ADAMTS10: variants seen among roughly 807,000 people sequenced by gnomAD.
ADAMTS10 encodes ADAM metallopeptidase with thrombospondin type 1 motif 10, also known as A disintegrin and metalloproteinase with thrombospondin motifs 10.
ADAMTS10 carries 48 observed loss-of-function variants against 135.9 expected under a neutral mutation model. That is an observed-to-expected ratio of 0.35 (90% confidence interval 0.28 to 0.45). The LOEUF is 0.45. ADAMTS10 is among the 20% of genes least tolerant of loss of function. The pLI, the probability that ADAMTS10 is intolerant of heterozygous loss-of-function variation, is 1.00. For synonymous variants in ADAMTS10, 621 were observed against 647.5 expected (o/e 0.96, Z 0.62); for missense variants, 1,131 against 1,565.2 (o/e 0.72, Z 4.68).
chr19:8,588,376 G>A (rs1216833233), intron 18 of ADAMTS10, among the ~76,000 whole-genome samples: 1 of 151,754 alleles, frequency 6.6e-6, no homozygotes, highest in Admixed American at 6.6e-5. Context: ...GTGAGCCACC[G>A]TGCCTGTCTC....
At chr19:8,587,930 CAAAA>C (rs34536913) in intron 18 of ADAMTS10, among the ~76,000 whole-genome samples, 9 of 90,758 alleles carry the variant, frequency 9.9e-5, no homozygotes, top group Admixed American at 1.3e-4. Context: ...GACCCCATCT[CAAAA>C]AAAAAAAAAA....
rs782813134 is a variant in ADAMTS10, at chr19:8,605,244, G to A, written c.203C>T (p.Thr68Met). 1.2e-5 allele frequency: 19 copies of A among 1,613,150 alleles called. No individual in the cohort carries two copies. Among genetic ancestry groups the A allele is most frequent in the Admixed American group, 6.7e-5 (4 of 59,964 alleles). ...PPPPRRQRRG[T>M]GATAESRLFY... ...GAGGCGGGACTCGGCTGTGGCCCCC[G>A]TGCCGCGGCGCTGCCTCCGGGGAGG... is the stretch of plus-strand genomic sequence containing the variant. Residue 68 changes from threonine (T) to methionine (M), a missense_variant, in exon 4 of 26, where the codon ACG becomes ATG. Physicochemically the swap from Thr to Met is moderately conservative, Grantham distance 81. Transcript: ENST00000597188. The surrounding 1 kb of genome is among the most constrained non-coding windows in gnomAD (Gnocchi z 7.7).
At position 8,597,252 on chromosome 19, in the gene ADAMTS10, G is replaced by A; in HGVS notation, c.876C>T (p.Ile292=). 6.2e-7 allele frequency: 1 copy of A among 1,614,176 alleles called. No individual in the cohort carries two copies. The highest frequency in any genetic ancestry group is 8.5e-7 in the Non-Finnish European group (1 of 1,180,036). The change falls in exon 7 of 26, where the codon ATC becomes ATT. Residue 292 remains isoleucine, a synonymous_variant. Coordinates refer to ENST00000597188, the MANE Select transcript of ADAMTS10 (RefSeq NM_030957.4). The part of the protein sequence containing the change: ...STVNILVTRL[I]LLTEDQPTLE... Reference sequence around the variant, plus strand: ...CCCGCACCTGGTCCTCCGTGAGCAGGATGAGGCGAGTTACGAGGATGTTAA... The same window carrying A: ...CCCGCACCTGGTCCTCCGTGAGCAGAATGAGGCGAGTTACGAGGATGTTAA...
chr19:8,583,283 G>C (rs1416206048), intron 25 of ADAMTS10, among the ~76,000 whole-genome samples: 3 of 151,036 alleles, frequency 2.0e-5, no homozygotes, highest in Non-Finnish European at 4.4e-5. Flanking sequence ...GCTCATGCCT[G>C]TAATCCCAGC....
Position 8,601,182 on chromosome 19 carries a change from C to T in ADAMTS10, c.593-37G>A, listed in dbSNP as rs372028274. 3.9e-5 allele frequency: 63 copies of T among 1,605,610 alleles called. No homozygotes were observed. The African/African-American group carries it at 7.3e-4, about 19-fold the overall frequency. On this transcript the variant is annotated intron_variant, in intron 5 of 25. Coordinates refer to ENST00000597188, the MANE Select transcript of ADAMTS10 (RefSeq NM_030957.4). The surrounding 1 kb of genome is among the most constrained non-coding windows in gnomAD (Gnocchi z 4.6). ...AGTAGAGCAATTAAGCCCTGCCCTG[C>T]TGGTGGGACGCAGAGCTGCCTGACA...
At chr19:8,609,121 C>T (rs192916491) in intron 1 of ADAMTS10, among the ~76,000 whole-genome samples, 59 of 150,154 alleles carry the variant, frequency 3.9e-4, no homozygotes, top group Admixed American at 8.7e-4. Context: ...TGCACTGTGG[C>T]GTGTGTGTGT....
chr19:8,596,359 C>G lies in ADAMTS10; in HGVS notation c.1138G>C (p.Glu380Gln). The part of the protein sequence containing the change: ...CERERSCSVN[E>Q]DIGLATAFTI... ...AACGCTGTGGCCAGGCCAATGTCCT[C>G]ATTGACGCTGCAGCTTCTCTCGCGC... Residue 380 changes from glutamate to glutamine, a missense_variant, in exon 10 of 26, where the codon GAG (glutamate) becomes CAG (glutamine). Physicochemically the swap from Glu to Gln is conservative, Grantham distance 29. Around this residue, in one of 3 missense-constraint regions of ADAMTS10, gnomAD observed 745 missense variants for 1,056.3 expected, o/e 0.71. Coordinates refer to ENST00000597188, the MANE Select transcript of ADAMTS10 (RefSeq NM_030957.4). This position sits in a 1 kb window ranked among gnomAD's most constrained non-coding sequence, Gnocchi z 7.2. The G allele has an allele frequency of 6.2e-7, 1 of 1,613,144 alleles. No individual in the cohort carries two copies. Among genetic ancestry groups the G allele is most frequent in the Non-Finnish European group, 8.5e-7 (1 of 1,179,902 alleles).
chr19:8,597,573 T>A (rs2042620138), intron 6 of ADAMTS10, among the ~76,000 whole-genome samples: 1 of 151,586 alleles, frequency 6.6e-6, no homozygotes, highest in African/African-American at 2.4e-5. Context: ...GGATTACAGG[T>A]GTGAGCCACC....
At chr19:8,590,085 G>T in intron 15 of ADAMTS10, 94 bp from the exon 16 acceptor site, 3 of 913,388 alleles carry the variant, frequency 3.3e-6, no homozygotes, top group Non-Finnish European at 5.3e-6. Flanking sequence ...GGAGGAGGGA[G>T]GCTAGAGGCA....
intron 4 of ADAMTS10, 29 bp downstream of exon 4, chr19:8,604,982 TC>T (rs782446685): frequency 3.2e-6 from 5 of 1,562,030 alleles, no homozygotes; most frequent in Admixed American, 1.9e-5. Context: ...TATGGGCATT[TC>T]CCCCCGCGTT....
intron 6 of ADAMTS10, among the ~76,000 whole-genome samples, chr19:8,598,565 A>ATTTTTTT (rs34389376): frequency 5.7e-5 from 4 of 70,760 alleles, no homozygotes; most frequent in Admixed American, 1.8e-4. Context: ...AATCCCCAGA[A>ATTTTTTT]TTTTTTTTTT....
Position 8,600,720 on chromosome 19 carries a change from C to A in ADAMTS10, c.810+208G>T, listed in dbSNP as rs7246634. Among the ~76,000 whole-genome samples, 8,735 of 151,798 alleles carry A rather than the reference C, an allele frequency of 0.058. 504 individuals carry two copies. Among genetic ancestry groups the A allele is most frequent in the African/African-American group, 0.15 (6,241 of 41,382 alleles). ...TCACCGTGTTAGCCAGGATGGTCTCCATCTCCTGACCTTGTGATCTGCCCG... is the reference window on the plus strand; with the variant it reads ...TCACCGTGTTAGCCAGGATGGTCTCAATCTCCTGACCTTGTGATCTGCCCG... On this transcript the variant is annotated intron_variant, in intron 6 of 25. Coordinates refer to ENST00000597188, the MANE Select transcript of ADAMTS10 (RefSeq NM_030957.4).
In ADAMTS10 at chr19:8,581,132, T is replaced by C. The variant is rs1237245983; in HGVS notation, c.3203-130A>G. On this transcript the variant is annotated intron_variant, in intron 25 of 25. Transcript: ENST00000597188. Reference sequence around the variant, plus strand: ...TGGTTTCTTTCTTTTTAAATTTACTTTTTTTTTTTTTTTTTTTTTTTTTTT... The same window carrying C: ...TGGTTTCTTTCTTTTTAAATTTACTCTTTTTTTTTTTTTTTTTTTTTTTTT... 3.9e-3 allele frequency: 173 copies of C among 44,728 alleles called. 1 individual carries two copies. The highest frequency in any genetic ancestry group is 0.016 in the South Asian group (15 of 954). 2.8% of individuals were successfully genotyped at this position (44,728 alleles called of 1,614,324 possible).
chr19:8,600,412 C>T (rs781985775), intron 6 of ADAMTS10, among the ~76,000 whole-genome samples: 2 of 151,656 alleles, frequency 1.3e-5, no homozygotes, highest in Admixed American at 6.6e-5. Context: ...TTGCCATATG[C>T]AACCAACCTA....
Position 8,605,867 on chromosome 19 carries a change from G to T in ADAMTS10, c.-99-58C>A. 1 of 1,416,906 alleles carries T rather than the reference G, an allele frequency of 7.1e-7. No individual in the cohort carries two copies. The highest frequency in any genetic ancestry group is 9.3e-7 in the Non-Finnish European group (1 of 1,078,424). The allele number at this position is 1,416,906 out of a possible 1,614,324, so 87.8% of individuals were successfully genotyped here. A position where few individuals can be genotyped will look rare whatever the true frequency, so the allele number is the denominator to read the frequency against. On this transcript the variant is annotated intron_variant, in intron 2 of 25. Coordinates refer to ENST00000597188, the MANE Select transcript of ADAMTS10 (RefSeq NM_030957.4). This position sits in a 1 kb window ranked among gnomAD's most constrained non-coding sequence, Gnocchi z 7.7. ...GGTCCCGCTGTCCAGCACAACCAATGCCAAGGCCAATCATGGCCAAAGCTT... is the reference window on the plus strand; with the variant it reads ...GGTCCCGCTGTCCAGCACAACCAATTCCAAGGCCAATCATGGCCAAAGCTT...
chr19:8,590,463 A>AT (rs1361174204), intron 15 of ADAMTS10, among the ~76,000 whole-genome samples: 2 of 149,256 alleles, frequency 1.3e-5, no homozygotes, highest in African/African-American at 5.0e-5. Flanking sequence ...TTATTTATTT[A>AT]TTTATTTATT....
chr19:8,581,116 TC>T, intron 25 of ADAMTS10, 114 bp from the exon 26 acceptor site: 1 of 529,932 alleles, frequency 1.9e-6, no homozygotes, highest in South Asian at 2.7e-5. Context: ...TTGGTTTCTT[TC>T]TTTTTAAATT....
rs539876726 is a variant in ADAMTS10 at position 8,589,924 on chromosome 19, C to T, written c.1865G>A (p.Arg622His). ...QCSEFDSIPF[R>H]GKFYKWKTYR... ...CGTTTTCCACTTGTAGAATTTCCCA[C>T]GGAAAGGGATGCTGTCAAATTCAGA... Residue 622 changes from arginine (R) to histidine (H), a missense_variant, in exon 16 of 26, where the codon CGT becomes CAT. By Grantham distance (29) the Arg-to-His change is conservative. Around this residue, in one of 3 missense-constraint regions of ADAMTS10, gnomAD observed 745 missense variants for 1,056.3 expected, o/e 0.71. Transcript: ENST00000597188. The T allele has an allele frequency of 3.7e-6, 6 of 1,614,106 alleles. No individual in the cohort carries two copies. The highest frequency in any genetic ancestry group is 1.1e-5 in the South Asian group (1 of 91,086).
chr19:8,587,163 CTTT>C (rs1194992099), intron 18 of ADAMTS10, among the ~76,000 whole-genome samples: 3 of 143,526 alleles, frequency 2.1e-5, no homozygotes, highest in Admixed American at 7.0e-5. Context: ...TTCTTTCTTT[CTTT>C]TTTTTTTTTG....
Sources: allele counts gnomAD v4.1 joint callset (sites outside exome capture counted in the v4.1 genomes callset), GRCh38; gene constraint gnomAD v4.1.1; regional missense constraint gnomAD v4.1.1; non-coding constraint Gnocchi (gnomAD v3.1); transcripts MANE v1.5; gene names NCBI Gene and HGNC (gene_info 2026-07-23, HGNC 2026-07-21).